NFIC: variants seen among roughly 807,000 people sequenced by gnomAD.
NFIC encodes nuclear factor I C, also known as nuclear factor 1 C-type.
A neutral mutation model predicts 54.4 loss-of-function variants in NFIC; 12 were observed. The observed-to-expected ratio is 0.22, with a 90% CI of 0.14 to 0.36. NFIC has a LOEUF of 0.36. Ranked by LOEUF, NFIC falls within the 10% of genes least tolerant of loss-of-function variation. NFIC has a pLI of 1.00. For synonymous variants in NFIC, 322 were observed against 319.2 expected (o/e 1.01, Z -0.09); for missense variants, 575 against 718.2 (o/e 0.80, Z 2.28).
intron 6 of NFIC, among the ~76,000 whole-genome samples, chr19:3,442,485 ATTC>A (rs1374726745): frequency 6.6e-6 from 1 of 150,936 alleles, no homozygotes; most frequent in Admixed American, 6.7e-5. Flanking sequence ...GATTCAAGCA[ATTC>A]TTCTGCTTCA....
chr19:3,434,607 C>CGA (rs2082169875), intron 5 of NFIC, among the ~76,000 whole-genome samples: 1 of 152,324 alleles, frequency 6.6e-6, no homozygotes, highest in Admixed American at 6.5e-5. Flanking sequence ...CGTGGGCTCC[C>CGA]CCAGCCTCAA....
At chr19:3,448,734 G>A (rs981123950) in intron 6 of NFIC, among the ~76,000 whole-genome samples, 3 of 152,152 alleles carry the variant, frequency 2.0e-5, no homozygotes, top group Admixed American at 6.5e-5. Context: ...CATTTCTCTG[G>A]AAGGAGAGTA....
chr19:3,449,267 A>C, intron 7 of NFIC, 128 bp downstream of exon 7: 1 of 1,375,128 alleles, frequency 7.3e-7, no homozygotes, highest in Non-Finnish European at 9.5e-7. Flanking sequence ...TGGGCAAAAA[A>C]CCATAGAGGT....
At chr19:3,364,035 C>T (rs947077500), upstream of NFIC, among the ~76,000 whole-genome samples, 1 of 152,182 alleles carries the variant, frequency 6.6e-6, no homozygotes, top group Non-Finnish European at 1.5e-5. Flanking sequence ...CACAGATGGA[C>T]AGCATGGCTG....
chr19:3,368,462 A>C (rs910812073), intron 1 of NFIC, among the ~76,000 whole-genome samples: 1 of 152,180 alleles, frequency 6.6e-6, no homozygotes, highest in Non-Finnish European at 1.5e-5. Context: ...GAAACCAAAA[A>C]ACGGAGAGGC....
chr19:3,367,444 C>T (rs1164931782), intron 1 of NFIC, among the ~76,000 whole-genome samples: 1 of 151,870 alleles, frequency 6.6e-6, no homozygotes, highest in Non-Finnish European at 1.5e-5. Flanking sequence ...GCGCTGCGGA[C>T]GCCCTCGCCA....
rs59920512 is a variant in NFIC at position 3,368,913 on chromosome 19, CTGTGTGTGTG to C, written c.30+2273_30+2282del. Among the ~76,000 whole-genome samples, 477 of 147,046 alleles carry C rather than the reference CTGTGTGTGTG, an allele frequency of 3.2e-3. 3 individuals are homozygous for C. The highest frequency in any genetic ancestry group is 0.011 in the African/African-American group (439 of 39,152). ...TCTTTCTCTCTGTCTTGCTCTGACT[CTGTGTGTGTG>C]TGTGTGTGTGTGTGTGTGTGTGTGT... is the stretch of plus-strand genomic sequence containing the variant. On this transcript the variant is annotated intron_variant, in intron 1 of 10. Transcript: ENST00000443272.
At chr19:3,436,038 G>C (rs1000901357) in intron 6 of NFIC, among the ~76,000 whole-genome samples, 1 of 151,956 alleles carries the variant, frequency 6.6e-6, no homozygotes, top group Non-Finnish European at 1.5e-5. Context: ...ATGTTGGTCA[G>C]GCTGGTCTCA....
At chr19:3,439,940 G>T (rs541192152) in intron 6 of NFIC, among the ~76,000 whole-genome samples, 1 of 151,868 alleles carries the variant, frequency 6.6e-6, no homozygotes, top group Non-Finnish European at 1.5e-5. Context: ...TGCCCGCCTC[G>T]GCCTCCCAAA....
chr19:3,463,488 G>C lies in NFIC; in HGVS notation c.*719G>C. On this transcript the variant is annotated 3_prime_UTR_variant, in exon 11 of 11. Coordinates refer to ENST00000443272, the MANE Select transcript of NFIC (RefSeq NM_001245002.2). ...CCCAGGCACCTGCTGCCCCTCGAGG[G>C]GGCCCTGCCTGCCGCGGGGCCTCCC... 2.0e-6 allele frequency: 2 copies of C among 985,336 alleles called. No homozygotes were observed. Among genetic ancestry groups the C allele is most frequent in the Non-Finnish European group, 2.4e-6 (2 of 829,958 alleles). 61.0% of individuals were successfully genotyped at this position (985,336 alleles called of 1,614,324 possible).
chr19:3,424,544 T>C (rs1482662682), intron 2 of NFIC, among the ~76,000 whole-genome samples: 2 of 151,754 alleles, frequency 1.3e-5, no homozygotes, highest in African/African-American at 4.8e-5. Context: ...ACCTGGCTAG[T>C]TTTTGTACTT....
At chr19:3,415,655 T>C (rs1444148957) in intron 2 of NFIC, among the ~76,000 whole-genome samples, 1 of 152,028 alleles carries the variant, frequency 6.6e-6, no homozygotes, top group Non-Finnish European at 1.5e-5. Flanking sequence ...AAACTTGTTA[T>C]TTAAGCCTCC....
At position 3,465,405 on chromosome 19, in the gene NFIC, A is replaced by G. The variant is rs1026382352; in HGVS notation, c.*2636A>G. ...GTATTTCTATTTGTAAAAAAAATAAAATAAAAAATAAGAAAGTGAGAATCT... is the reference window on the plus strand; with the variant it reads ...GTATTTCTATTTGTAAAAAAAATAAGATAAAAAATAAGAAAGTGAGAATCT... On this transcript the variant is annotated 3_prime_UTR_variant, in exon 11 of 11. Transcript: ENST00000443272. The G allele has an allele frequency of 1.3e-5, 2 of 149,488 alleles. No homozygotes were observed. Among genetic ancestry groups the G allele is most frequent in the Non-Finnish European group, 3.0e-5 (2 of 67,538 alleles). 9.3% of individuals were successfully genotyped at this position (149,488 alleles called of 1,614,324 possible).
At chr19:3,368,328 C>T (rs555159075) in intron 1 of NFIC, among the ~76,000 whole-genome samples, 2 of 152,252 alleles carry the variant, frequency 1.3e-5, no homozygotes, top group African/African-American at 4.8e-5. Flanking sequence ...GGGAGACATC[C>T]TGGTTGCTGG....
In NFIC at chr19:3,406,705, C is replaced by T. The variant is rs138652314; in HGVS notation, c.563-18401C>T. ...TCAGGAAATGCAAAGTAGGTTGCAACGTAACTGGACACACACGGGAACCCT... is the reference window on the plus strand; with the variant it reads ...TCAGGAAATGCAAAGTAGGTTGCAATGTAACTGGACACACACGGGAACCCT... On this transcript the variant is annotated intron_variant, in intron 2 of 10. Coordinates refer to ENST00000443272, the MANE Select transcript of NFIC (RefSeq NM_001245002.2). Among the ~76,000 whole-genome samples, 555 of 151,942 alleles carry T rather than the reference C, an allele frequency of 3.7e-3. 3 individuals carry two copies. The highest frequency in any genetic ancestry group is 0.013 in the African/African-American group (534 of 41,418).
chr19:3,439,534 C>G (rs1351690287), intron 6 of NFIC, among the ~76,000 whole-genome samples: 1 of 149,172 alleles, frequency 6.7e-6, no homozygotes, highest in Non-Finnish European at 1.5e-5. Flanking sequence ...CCCAGCTACT[C>G]GGGAGGCTGA....
chr19:3,425,456 T>C (rs2082013159), intron 3 of NFIC, among the ~76,000 whole-genome samples: 1 of 152,158 alleles, frequency 6.6e-6, no homozygotes, highest in South Asian at 2.1e-4. Context: ...TTTTGTTTTG[T>C]TTTCATTCAT....
At chr19:3,419,585 T>G (rs891821301) in intron 2 of NFIC, among the ~76,000 whole-genome samples, 1 of 151,762 alleles carries the variant, frequency 6.6e-6, no homozygotes, top group Non-Finnish European at 1.5e-5. Flanking sequence ...CCTGGCCAAC[T>G]TGGTGAAACC....
chr19:3,448,516 G>A (rs1056649405), intron 6 of NFIC, among the ~76,000 whole-genome samples: 1 of 152,152 alleles, frequency 6.6e-6, no homozygotes, highest in African/African-American at 2.4e-5. Context: ...TCACTGCAGA[G>A]GGGGGATGCA....
Sources: allele counts gnomAD v4.1 joint callset (sites outside exome capture counted in the v4.1 genomes callset), GRCh38; gene constraint gnomAD v4.1.1; transcripts MANE v1.5; gene names NCBI Gene and HGNC (gene_info 2026-07-23, HGNC 2026-07-21).